The following KIF3C variants were observed in gnomAD, a reference collection of about 807,000 sequenced individuals.
KIF3C encodes the protein kinesin family member 3C.
In KIF3C, 12 loss-of-function variants were observed where a neutral mutation model predicts 67.7. The ratio of observed to expected loss-of-function variants is 0.18; its 90% CI spans 0.11 to 0.29. The LOEUF (loss-of-function observed/expected upper bound fraction) is 0.29, where lower values mean the gene tolerates loss of function less well. Among genes scored for constraint, KIF3C ranks in the 10% least tolerant of loss-of-function variants. The probability of loss-of-function intolerance (pLI) is 1.00; values close to 1 mark genes in which losing one functional copy is unlikely to be tolerated. For synonymous variants in KIF3C, 393 were observed against 426.2 expected (o/e 0.92, Z 0.96); for missense variants, 789 against 1,059.6 (o/e 0.74, Z 3.55).
At chr2:25,947,567 C>T (rs1395028483) in intron 5 of KIF3C, among the ~76,000 whole-genome samples, 1 of 149,786 alleles carries the variant, frequency 6.7e-6, no homozygotes, top group African/African-American at 2.5e-5. Flanking sequence ...GGTGACAGAG[C>T]GAGACTGCCT....
intron 1 of KIF3C, among the ~76,000 whole-genome samples, chr2:25,957,435 GT>G (rs1180364121): frequency 6.6e-6 from 1 of 152,142 alleles, no homozygotes; most frequent in East Asian, 1.9e-4. Context: ...ACCTATTCTG[GT>G]TTGGGGGGGT....
At chr2:25,930,577 G>A (rs2090451036) in intron 5 of KIF3C, among the ~76,000 whole-genome samples, 1 of 151,748 alleles carries the variant, frequency 6.6e-6, no homozygotes, top group African/African-American at 2.4e-5. Context: ...TGCTCTTATT[G>A]CCCATGCTGG....
chr2:25,972,639 G>A (rs924852450), intron 1 of KIF3C, among the ~76,000 whole-genome samples: 2 of 152,140 alleles, frequency 1.3e-5, no homozygotes, highest in Admixed American at 1.3e-4. Context: ...GGTGTCCTTG[G>A]GGACATGTGG....
intron 1 of KIF3C, among the ~76,000 whole-genome samples, chr2:25,971,069 G>A (rs1224221583): frequency 6.6e-6 from 1 of 151,934 alleles, no homozygotes; most frequent in Non-Finnish European, 1.5e-5. Context: ...TCAGGAGATG[G>A]AGACCATCCT....
At chr2:25,977,296 G>C (rs1284564136) in intron 1 of KIF3C, among the ~76,000 whole-genome samples, 1 of 152,184 alleles carries the variant, frequency 6.6e-6, no homozygotes, top group Admixed American at 6.6e-5. Context: ...AGATGAGTCA[G>C]AGAGAGTGAA....
At chr2:25,937,467 C>T (rs956383896) in intron 5 of KIF3C, among the ~76,000 whole-genome samples, 2 of 152,174 alleles carry the variant, frequency 1.3e-5, no homozygotes, top group Admixed American at 6.5e-5. Flanking sequence ...TGCCGGGAGG[C>T]GTGCCCGTGA....
Position 25,963,012 on chromosome 2 carries a change from ATATATAT to A in KIF3C, c.1546-6575_1546-6569del, listed in dbSNP as rs1233278328. ...TAATATATATAATATATAATATATA[ATATATAT>A]AATATATAATATATAATATATAATA... On this transcript the variant is annotated intron_variant, in intron 1 of 7. Transcript: ENST00000264712. Among the ~76,000 whole-genome samples, 9 of 42,392 alleles carry A rather than the reference ATATATAT, an allele frequency of 2.1e-4. No homozygotes were observed. The South Asian group carries it at 3.8e-3, about 18-fold the overall frequency. 27.8% of individuals were successfully genotyped at this position (42,392 alleles called of 152,430 possible). A position where few individuals can be genotyped will look rare whatever the true frequency, so the allele number is the denominator to read the frequency against.
At position 25,956,373 on chromosome 2, in the gene KIF3C, C is replaced by T. The variant is rs1174328019; in HGVS notation, c.1617G>A (p.Leu539=). The part of the protein sequence containing the change: ...MDHTNEQQKM[L]ELKRQEIAEQ... ...CGGCAATCTCCTGCCTCTTCAGTTC[C>T]AACATCTTCTGCTGTTCGTTGGTGT... Residue 539 remains leucine (L), a synonymous_variant, in exon 2 of 8, where the codon TTG becomes TTA. Transcript: ENST00000264712. 3.7e-6 allele frequency: 6 copies of T among 1,614,184 alleles called. No homozygotes were observed.
rs375983962 is a variant in KIF3C, at chr2:25,950,698, AG to A, written c.2006+1090del. ...CTCTGCAGGTATTCTAGCTCCAGCC[AG>A]GGTGGAAAACCTCTATGACAGCTGA... On this transcript the variant is annotated intron_variant, in intron 5 of 7. Transcript: ENST00000264712. Among the ~76,000 whole-genome samples, 457 of 152,286 alleles carry A rather than the reference AG, an allele frequency of 3.0e-3. 3 individuals carry two copies. Among genetic ancestry groups the A allele is most frequent in the African/African-American group, 0.011 (437 of 41,556 alleles).
chr2:25,934,488 A>G (rs1365134729), intron 5 of KIF3C, among the ~76,000 whole-genome samples: 1 of 152,044 alleles, frequency 6.6e-6, no homozygotes, highest in Non-Finnish European at 1.5e-5. Flanking sequence ...CTGAGGCAGG[A>G]GAATCGCTTG....
At chr2:25,940,185 T>C (rs1663246147) in intron 5 of KIF3C, among the ~76,000 whole-genome samples, 2 of 152,140 alleles carry the variant, frequency 1.3e-5, no homozygotes, top group African/African-American at 4.8e-5. Flanking sequence ...GAACCTTACA[T>C]TATTTCATTT....
At position 25,981,315 on chromosome 2, in the gene KIF3C, G is replaced by C. The variant is rs879080874; in HGVS notation, c.603C>G (p.Thr201=). Residue 201 remains threonine (T), a synonymous_variant, in exon 1 of 8, where the codon ACC becomes ACG. Transcript: ENST00000264712. This position sits in a 1 kb window ranked among gnomAD's most constrained non-coding sequence, Gnocchi z 8.2. ...TCATGTGGGTGCTGCCCACAGCCCG[G>C]GTCTGGTTCCCCAGGTTCATCACAT... ...IEHVMNLGNQ[T]RAVGSTHMNE... The C allele has an allele frequency of 6.2e-7, 1 of 1,614,180 alleles. No homozygotes were observed. The highest frequency in any genetic ancestry group is 2.2e-5 in the East Asian group (1 of 44,874).
intron 1 of KIF3C, among the ~76,000 whole-genome samples, chr2:25,971,204 G>A (rs1005893527): frequency 2.6e-5 from 4 of 150,974 alleles, no homozygotes; most frequent in Admixed American, 6.6e-5. Flanking sequence ...GCTGGGAAGC[G>A]GAGCTTGCAG....
At chr2:25,943,711 C>T (rs982446801) in intron 5 of KIF3C, among the ~76,000 whole-genome samples, 4 of 151,912 alleles carry the variant, frequency 2.6e-5, no homozygotes, top group Non-Finnish European at 5.9e-5. Context: ...ACTAAAATTA[C>T]AAAATTTGCC....
At chr2:25,970,484 G>A (rs1664250498) in intron 1 of KIF3C, among the ~76,000 whole-genome samples, 1 of 151,686 alleles carries the variant, frequency 6.6e-6, no homozygotes, top group Admixed American at 6.6e-5. Context: ...TCTGGTCAAC[G>A]TGGCAAAACC....
intron 5 of KIF3C, among the ~76,000 whole-genome samples, chr2:25,940,299 G>T (rs35884179): frequency 6.6e-6 from 1 of 152,146 alleles, no homozygotes; most frequent in Non-Finnish European, 1.5e-5. Flanking sequence ...CCAGGCGCAT[G>T]GTGGCTCACG....
In KIF3C at chr2:25,955,601, G is replaced by A; in HGVS notation, c.1710C>T (p.Leu570=). Residue 570 remains leucine, a synonymous_variant, in exon 3 of 8, where the codon CTC becomes CTT. Coordinates refer to ENST00000264712, the MANE Select transcript of KIF3C (RefSeq NM_002254.8). The surrounding 1 kb of genome is among the most constrained non-coding windows in gnomAD (Gnocchi z 5.0). ...GCTGCAGGGATGTGTAGGTGCCCCG[G>A]AGCTCCATAGTCTCCTCGTCCCGGA... The part of the protein sequence containing the change: ...MMLRDEETME[L]RGTYTSLQQE... 1 of 1,614,066 alleles carries A rather than the reference G, an allele frequency of 6.2e-7. No homozygotes were observed. The highest frequency in any genetic ancestry group is 1.1e-5 in the South Asian group (1 of 91,072).
chr2:25,957,857 G>C (rs946313508), intron 1 of KIF3C, among the ~76,000 whole-genome samples: 1 of 152,122 alleles, frequency 6.6e-6, no homozygotes, highest in Admixed American at 6.5e-5. Context: ...GCAGGAGGAA[G>C]AGGCCTTGAG....
Position 25,958,803 on chromosome 2 carries a change from G to A in KIF3C, c.1546-2359C>T, listed in dbSNP as rs1043870340. ...TTCCAGCTCCCTGGGGGCCCGGTGC[G>A]GTGGCTAGCGCCTGTAATCCCGGCA... On this transcript the variant is annotated intron_variant, in intron 1 of 7. Transcript: ENST00000264712. The surrounding 1 kb of genome is among the most constrained non-coding windows in gnomAD (Gnocchi z 4.5). Among the ~76,000 whole-genome samples, 3 of 151,984 alleles carry A rather than the reference G, an allele frequency of 2.0e-5. No individual in the cohort carries two copies. Among genetic ancestry groups the A allele is most frequent in the African/African-American group, 7.3e-5 (3 of 41,376 alleles).
Sources: gnomAD v4.1 joint callset for allele counts (sites outside exome capture counted in the v4.1 genomes callset) on GRCh38, gnomAD v4.1.1 for gene constraint, Gnocchi (gnomAD v3.1) non-coding constraint, MANE v1.5 for transcripts, NCBI Gene and HGNC (gene_info 2026-07-23, HGNC 2026-07-21) for gene names.